The following CDH11 variants were observed in gnomAD, a reference collection of about 807,000 sequenced individuals.
The protein encoded by CDH11 is cadherin-11.
In CDH11, 11 loss-of-function variants were observed where a neutral mutation model predicts 67.8. The ratio of observed to expected loss-of-function variants is 0.16; its 90% CI spans 0.10 to 0.27. The LOEUF (loss-of-function observed/expected upper bound fraction) is 0.27. Among genes scored for constraint, CDH11 ranks in the 10% least tolerant of loss-of-function variants. CDH11 has a pLI of 1.00. For missense variants in CDH11, 847 were observed against 1,031.2 expected, an observed-to-expected ratio of 0.82 and a Z score of 2.45; for synonymous variants, 419 against 400.0, an observed-to-expected ratio of 1.05 and a Z score of -0.57.
At chr16:65,123,642 G>T (rs2075372221), upstream of CDH11, 1 of 152,088 alleles carries the variant, frequency 6.6e-6, no homozygotes, top group Non-Finnish European at 1.5e-5. Context: ...GCCCGCGGGG[G>T]CGGGTGCCGG....
intron 3 of CDH11, among the ~76,000 whole-genome samples, chr16:65,002,265 TG>T (rs1269211418): frequency 6.6e-6 from 1 of 152,136 alleles, no homozygotes; most frequent in Non-Finnish European, 1.5e-5. Flanking sequence ...GCATGACAAT[TG>T]CTTACTCCAG....
At chr16:64,984,879 T>C (rs1360592260) in intron 7 of CDH11, 1 of 152,242 alleles carries the variant, frequency 6.6e-6, no homozygotes, top group Non-Finnish European at 1.5e-5. Flanking sequence ...TCCACATCTA[T>C]ATACGTGCGG....
rs141147422 is a variant in CDH11, at chr16:64,998,870, A to G, written c.229-14T>C. On this transcript the variant is annotated splice_polypyrimidine_tract_variant and intron_variant, in intron 3 of 12. Coordinates refer to ENST00000268603, the MANE Select transcript of CDH11 (RefSeq NM_001797.4). ...ATCTGAATGAAGCTGGAAGAAAGAGAAATTGAGATTTTTAATTCCATGAGG... is the reference window on the plus strand; with the variant it reads ...ATCTGAATGAAGCTGGAAGAAAGAGGAATTGAGATTTTTAATTCCATGAGG... 4.8e-4 allele frequency: 776 copies of G among 1,609,680 alleles called. No individual in the cohort carries two copies. Among genetic ancestry groups the G allele is most frequent in the Admixed American group, 1.3e-3 (78 of 59,790 alleles).
chr16:65,022,328 C>A (rs2073444793), intron 2 of CDH11, among the ~76,000 whole-genome samples: 1 of 151,966 alleles, frequency 6.6e-6, no homozygotes, highest in Non-Finnish European at 1.5e-5. Flanking sequence ...GAAATAGTAA[C>A]ACAATTCACT....
At chr16:64,949,434 T>G (rs2071292794) in intron 12 of CDH11, among the ~76,000 whole-genome samples, 1 of 149,042 alleles carries the variant, frequency 6.7e-6, no homozygotes, top group Non-Finnish European at 1.5e-5. Flanking sequence ...TCTTTTTTTT[T>G]TTTTTTTTTG....
chr16:65,044,758 G>A (rs2073926005), intron 2 of CDH11, among the ~76,000 whole-genome samples: 1 of 152,116 alleles, frequency 6.6e-6, no homozygotes, highest in Non-Finnish European at 1.5e-5. Context: ...GAGGCTTCTG[G>A]GAGTTGGGCC....
intron 6 of CDH11, among the ~76,000 whole-genome samples, chr16:64,990,491 C>A (rs951439478): frequency 2.0e-5 from 3 of 152,018 alleles, no homozygotes; most frequent in African/African-American, 7.3e-5. Flanking sequence ...CATGATGAAC[C>A]CCCCCATGCA....
At chr16:64,989,666 G>A (rs950661976) in intron 6 of CDH11, among the ~76,000 whole-genome samples, 7 of 152,120 alleles carry the variant, frequency 4.6e-5, no homozygotes, top group African/African-American at 1.4e-4. Flanking sequence ...GACCATTGTG[G>A]GGAATGGAAA....
chr16:65,026,680 G>T (rs1184810395), intron 2 of CDH11, among the ~76,000 whole-genome samples: 1 of 152,094 alleles, frequency 6.6e-6, no homozygotes, highest in Non-Finnish European at 1.5e-5. Flanking sequence ...AACACCAGGG[G>T]TTCCTTTCAT....
chr16:64,964,703 C>T (rs2071762423), intron 11 of CDH11, among the ~76,000 whole-genome samples: 1 of 152,048 alleles, frequency 6.6e-6, no homozygotes, highest in Non-Finnish European at 1.5e-5. Flanking sequence ...CACCCGCCAC[C>T]ACACCCGGAT....
chr16:65,054,695 C>T (rs1389211998), intron 1 of CDH11, among the ~76,000 whole-genome samples: 1 of 152,140 alleles, frequency 6.6e-6, no homozygotes, highest in Non-Finnish European at 1.5e-5. Flanking sequence ...AAAACTGAGG[C>T]ACTGAACCAA....
intron 2 of CDH11, among the ~76,000 whole-genome samples, chr16:65,052,816 T>G (rs1488783577): frequency 6.6e-6 from 1 of 152,174 alleles, no homozygotes. Flanking sequence ...TTGACTTGCA[T>G]TTGAACGGTG....
chr16:65,041,959 A>G (rs2073875601), intron 2 of CDH11, among the ~76,000 whole-genome samples: 1 of 152,204 alleles, frequency 6.6e-6, no homozygotes, highest in African/African-American at 2.4e-5. Context: ...AGAGAGAGAG[A>G]GAGAGATGTC....
At chr16:65,115,892 G>A (rs538983284) in intron 1 of CDH11, among the ~76,000 whole-genome samples, 2 of 152,106 alleles carry the variant, frequency 1.3e-5, no homozygotes, top group South Asian at 4.2e-4. Context: ...CATGAGCTGC[G>A]ATCACAACAC....
At chr16:65,099,150 T>G (rs879473349) in intron 1 of CDH11, among the ~76,000 whole-genome samples, 1 of 152,114 alleles carries the variant, frequency 6.6e-6, no homozygotes, top group African/African-American at 2.4e-5. Context: ...CCATTGTTAC[T>G]GGGAACAGCA....
intron 1 of CDH11, among the ~76,000 whole-genome samples, chr16:65,060,068 A>G (rs759078940): frequency 1.3e-5 from 2 of 152,164 alleles, no homozygotes; most frequent in Non-Finnish European, 2.9e-5. Context: ...TGGTGCTTCT[A>G]CATGTGTTTT....
rs536695221 is a variant in CDH11 at position 65,050,452 on chromosome 16, T to C, written c.-173+3352A>G. Among the ~76,000 whole-genome samples, 9 of 152,342 alleles carry C rather than the reference T, an allele frequency of 5.9e-5. No homozygotes were observed. In the East Asian group the frequency reaches 1.7e-3, roughly 29 times the overall value. The stretch of plus-strand genomic sequence containing the variant: ...GCCCTTTCATCTCTGCCTGCCTTTG[T>C]GGCATGTCATAGGTGCCTGTTCAAG... On this transcript the variant is annotated intron_variant, in intron 2 of 12. Coordinates refer to ENST00000268603, the MANE Select transcript of CDH11 (RefSeq NM_001797.4).
chr16:64,997,989 A>G (rs2072816618), intron 4 of CDH11, among the ~76,000 whole-genome samples: 1 of 152,226 alleles, frequency 6.6e-6, no homozygotes, highest in South Asian at 2.1e-4. Context: ...AAAGAAGGCT[A>G]TTGCCAGAAG....
intron 1 of CDH11, among the ~76,000 whole-genome samples, chr16:65,085,477 G>C (rs2142814023): frequency 6.6e-6 from 1 of 152,222 alleles, no homozygotes; most frequent in East Asian, 1.9e-4. Context: ...ACTCTGAAAA[G>C]CACCCCTTTT....
Sources: allele counts gnomAD v4.1 joint callset (sites outside exome capture counted in the v4.1 genomes callset), GRCh38; gene constraint gnomAD v4.1.1; transcripts MANE v1.5; gene names NCBI Gene and HGNC (gene_info 2026-07-23, HGNC 2026-07-21).